UGT2B7: variants seen among roughly 807,000 people sequenced by gnomAD.
The protein encoded by UGT2B7 is UDP-glucuronosyltransferase 2B7.
A neutral mutation model predicts 51.9 loss-of-function variants in UGT2B7; 51 were observed. The observed-to-expected ratio is 0.98, with a 90% CI of 0.78 to 1.24. UGT2B7 has a LOEUF of 1.24. Among genes scored for constraint, UGT2B7 ranks in the 50% most tolerant of loss-of-function variants. UGT2B7 has a pLI of 0.00. For missense variants in UGT2B7, 727 were observed against 628.4 expected (o/e 1.16, Z -1.68); for synonymous variants, 225 against 211.6 (o/e 1.06, Z -0.55).
intron 3 of UGT2B7, 46 bp from the exon 4 acceptor site, chr4:69,107,129 T>G (rs1436559447): frequency 6.3e-7 from 1 of 1,578,698 alleles, no homozygotes; most frequent in South Asian, 1.1e-5. Context: ...ATTCTATAAC[T>G]TTTGAATTCC....
At chr4:69,058,304 G>A (rs992942158) in intron 1 of UGT2B7, among the ~76,000 whole-genome samples, 1 of 152,120 alleles carries the variant, frequency 6.6e-6, no homozygotes, top group Non-Finnish European at 1.5e-5. Context: ...AGGGATACAT[G>A]CCCCAGTCTC....
intron 1 of UGT2B7, among the ~76,000 whole-genome samples, chr4:69,061,105 C>T (rs1051418708): frequency 1.3e-5 from 2 of 152,124 alleles, no homozygotes; most frequent in Non-Finnish European, 2.9e-5. Flanking sequence ...AGTAGAGGCA[C>T]AGTCTTTGTC....
intron 1 of UGT2B7, among the ~76,000 whole-genome samples, chr4:69,072,470 C>A (rs1718621245): frequency 6.6e-6 from 1 of 152,124 alleles, no homozygotes; most frequent in Non-Finnish European, 1.5e-5. Context: ...ATGTCAAGGA[C>A]AAATGCTTTA....
intron 1 of UGT2B7, among the ~76,000 whole-genome samples, chr4:69,065,604 T>A (rs1036975012): frequency 6.6e-6 from 1 of 152,232 alleles, no homozygotes; most frequent in Non-Finnish European, 1.5e-5. Context: ...AAGCACTTAA[T>A]AATTTGTAAA....
chr4:69,078,547 A>G (rs1181242893), intron 1 of UGT2B7, among the ~76,000 whole-genome samples: 1 of 152,082 alleles, frequency 6.6e-6, no homozygotes, highest in African/African-American at 2.4e-5. Context: ...TCAGTTGACT[A>G]TCTTTGATTC....
chr4:69,064,082 AAGAAAGAAAGAAAG>A (rs1560499710), intron 1 of UGT2B7, among the ~76,000 whole-genome samples: 28 of 102,058 alleles, frequency 2.7e-4, no homozygotes, highest in Non-Finnish European at 1.8e-4. Flanking sequence ...GAAAGAAAGA[AAGAAAGAAAGAAAG>A]AGAAAGAAAG....
upstream of UGT2B7, among the ~76,000 whole-genome samples, chr4:69,091,756 T>A (rs1463587023): frequency 2.0e-5 from 3 of 152,114 alleles, no homozygotes; most frequent in Non-Finnish European, 4.4e-5. Context: ...GCCATTAGCT[T>A]AATGTCAAAA....
chr4:69,073,877 T>C (rs991325383), intron 1 of UGT2B7, among the ~76,000 whole-genome samples: 5 of 152,188 alleles, frequency 3.3e-5, no homozygotes, highest in Non-Finnish European at 7.4e-5. Context: ...CAGTCAAGCA[T>C]TTGGTTTCAT....
intron 1 of UGT2B7, among the ~76,000 whole-genome samples, chr4:69,056,926 AAAAC>A (rs1718217951): frequency 1.3e-5 from 2 of 152,352 alleles, no homozygotes; most frequent in Admixed American, 1.3e-4. Flanking sequence ...TTTTAAGAAA[AAAAC>A]AAATAAGTGA....
intron 1 of UGT2B7, among the ~76,000 whole-genome samples, chr4:69,079,738 C>T (rs1021413501): frequency 8.6e-5 from 13 of 152,034 alleles, no homozygotes; most frequent in African/African-American, 2.2e-4. Context: ...TTGGCCTCTC[C>T]GGATAGGGTC....
In UGT2B7 at chr4:69,112,581, G is replaced by A. The variant is rs1577930172; in HGVS notation, c.1435G>A (p.Ala479Thr). ...CAAAGGAGCTAAACACCTTCGGGTT[G>A]CAGCCCACGACCTCACCTGGTTCCA... ...RHKGAKHLRVAAHDLTWFQYH... is the reference protein window; with the variant it reads ...RHKGAKHLRVTAHDLTWFQYH... Residue 479 changes from alanine (A) to threonine (T), a missense_variant, in exon 6 of 6, where the codon GCA becomes ACA. Coordinates refer to ENST00000305231, the MANE Select transcript of UGT2B7 (RefSeq NM_001074.4). 1.2e-6 allele frequency: 2 copies of A among 1,613,960 alleles called. No individual in the cohort carries two copies. The highest frequency in any genetic ancestry group is 1.7e-6 in the Non-Finnish European group (2 of 1,179,878).
chr4:69,107,166 T>C lies in UGT2B7; in HGVS notation c.1003-9T>C, dbSNP rs549405917. The C allele has an allele frequency of 6.2e-6, 10 of 1,605,090 alleles. No homozygotes were observed. The highest frequency in any genetic ancestry group is 5.4e-5 in the African/African-American group (4 of 74,586). Reference sequence around the variant, plus strand: ...CTCATGGAATAAAATATTTTCTTTATTGTAACAGGTTCTGTGGAGATTTGA... The same window carrying C: ...CTCATGGAATAAAATATTTTCTTTACTGTAACAGGTTCTGTGGAGATTTGA... On this transcript the variant is annotated splice_polypyrimidine_tract_variant and intron_variant, in intron 3 of 5. Coordinates refer to ENST00000305231, the MANE Select transcript of UGT2B7 (RefSeq NM_001074.4).
chr4:69,084,256 T>C (rs1718900299), intron 1 of UGT2B7, among the ~76,000 whole-genome samples: 2 of 151,940 alleles, frequency 1.3e-5, no homozygotes, highest in South Asian at 4.1e-4. Flanking sequence ...CTTTTTGATG[T>C]GTTGTTGGAT....
At chr4:69,109,239 C>T (rs1234750475) in intron 5 of UGT2B7, among the ~76,000 whole-genome samples, 1 of 151,892 alleles carries the variant, frequency 6.6e-6, no homozygotes, top group East Asian at 1.9e-4. Flanking sequence ...ACATGTTTTC[C>T]TTTCTTTAGG....
chr4:69,108,071 G>T (rs774459890), intron 4 of UGT2B7, 32 bp from the exon 5 acceptor site: 1 of 1,605,570 alleles, frequency 6.2e-7, no homozygotes, highest in Admixed American at 1.7e-5. Flanking sequence ...TTATTCCTAT[G>T]AGTAATTTTG....
chr4:69,073,745 TG>T (rs1190468682), intron 1 of UGT2B7, among the ~76,000 whole-genome samples: 1 of 16,988 alleles, frequency 5.9e-5, no homozygotes, highest in African/African-American at 7.5e-4. Context: ...AAGAGAGCTT[TG>T]GAAAAAAAAC....
intron 3 of UGT2B7, among the ~76,000 whole-genome samples, chr4:69,105,001 G>T (rs1422847277): frequency 6.6e-6 from 1 of 152,090 alleles, no homozygotes; most frequent in Non-Finnish European, 1.5e-5. Flanking sequence ...TACCCACATA[G>T]CCAGATAGAT....
In UGT2B7 at chr4:69,102,922, C is replaced by T. The variant is rs775008011; in HGVS notation, c.986C>T (p.Ala329Val). The T allele has an allele frequency of 4.3e-6, 7 of 1,612,814 alleles. No individual in the cohort carries two copies. The highest frequency in any genetic ancestry group is 5.9e-6 in the Non-Finnish European group (7 of 1,179,418). ...ERANVIASAL[A>V]QIPQKVLWRF... is the part of the protein sequence containing the mutation. ...GCCAACGTAATTGCATCAGCCCTGGCCCAGATCCCACAAAAGGTAAGATGA... is the reference window on the plus strand; with the variant it reads ...GCCAACGTAATTGCATCAGCCCTGGTCCAGATCCCACAAAAGGTAAGATGA... The change falls in exon 3 of 6, where the codon GCC becomes GTC. Residue 329 changes from alanine to valine, a missense_variant. Transcript: ENST00000305231.
Position 69,105,356 on chromosome 4 carries a change from T to C in UGT2B7, c.1003-1819T>C, listed in dbSNP as rs562481560. Among the ~76,000 whole-genome samples, 7 of 152,358 alleles carry C rather than the reference T, an allele frequency of 4.6e-5. No individual in the cohort carries two copies. The East Asian group carries it at 1.4e-3, about 29-fold the overall frequency. ...AATTTCCTGCCTGATAAAGCTTTCTTGTAATGACCTCTTCCAACTTTTGCT... is the reference window on the plus strand; with the variant it reads ...AATTTCCTGCCTGATAAAGCTTTCTCGTAATGACCTCTTCCAACTTTTGCT... On this transcript the variant is annotated intron_variant, in intron 3 of 5. Coordinates refer to ENST00000305231, the MANE Select transcript of UGT2B7 (RefSeq NM_001074.4).
Sources: allele counts gnomAD v4.1 joint callset (sites outside exome capture counted in the v4.1 genomes callset), GRCh38; gene constraint gnomAD v4.1.1; transcripts MANE v1.5; gene names NCBI Gene and HGNC (gene_info 2026-07-23, HGNC 2026-07-21).